GPHN: variants seen among roughly 807,000 people sequenced by gnomAD.
GPHN encodes the protein gephyrin.
A neutral mutation model predicts 95.5 loss-of-function variants in GPHN; 17 were observed. The ratio of observed to expected loss-of-function variants is 0.18; its 90% CI spans 0.12 to 0.27. GPHN has a LOEUF of 0.27. Among genes scored for constraint, GPHN ranks in the 10% least tolerant of loss-of-function variants. GPHN has a pLI of 1.00. For missense variants in GPHN, 660 were observed against 978.1 expected (o/e 0.67, Z 4.34); for synonymous variants, 320 against 322.5 (o/e 0.99, Z 0.08).
the GPHN span, chr14:67,221,717 T>G: frequency 6.3e-7 from 1 of 1,594,830 alleles, no homozygotes; most frequent in East Asian, 2.2e-5. Context: ...ATCTAGTAGA[T>G]CTTTTCTAAA....
At chr14:66,905,826 TA>T (rs1387224834) in intron 5 of GPHN, among the ~76,000 whole-genome samples, 3 of 152,104 alleles carry the variant, frequency 2.0e-5, no homozygotes, top group Non-Finnish European at 1.5e-5. Context: ...GAACATTCAG[TA>T]TGTGGTTTTC....
At chr14:67,395,876 C>T in the GPHN span, among the ~76,000 whole-genome samples, 1 of 152,258 alleles carries the variant, frequency 6.6e-6, no homozygotes, top group East Asian at 1.9e-4. Flanking sequence ...TGAAGACTCA[C>T]CTCCTATGAC....
chr14:66,630,169 T>C (rs897874829), intron 1 of GPHN, among the ~76,000 whole-genome samples: 1 of 152,136 alleles, frequency 6.6e-6, no homozygotes, highest in African/African-American at 2.4e-5. Context: ...AGGGATAAGA[T>C]AAGAGATGCT....
chr14:67,648,393 A>G, the GPHN span: 5 of 444,594 alleles, frequency 1.1e-5, no homozygotes, highest in Non-Finnish European at 1.9e-5. Flanking sequence ...AAATTACACT[A>G]AGGTAATAAT....
chr14:66,604,920 C>T (rs908831389), intron 1 of GPHN, among the ~76,000 whole-genome samples: 7 of 137,202 alleles, frequency 5.1e-5, no homozygotes, highest in African/African-American at 1.1e-4. Flanking sequence ...ATATGTATTC[C>T]GTTATTTAGG....
chr14:67,162,676 A>G (rs2153720900), intron 19 of GPHN, among the ~76,000 whole-genome samples: 1 of 152,342 alleles, frequency 6.6e-6, no homozygotes, highest in South Asian at 2.1e-4. Context: ...CTATCCATAA[A>G]TCAGTATCAA....
At chr14:67,331,916 A>ATG in the GPHN span, among the ~76,000 whole-genome samples, 23,575 of 152,090 alleles carry the variant, frequency 0.16, 3,446 homozygotes, top group East Asian at 0.42. Flanking sequence ...CCATATTCAG[A>ATG]TGTACAACAT....
At chr14:67,695,719 C>A in the GPHN span, 1 of 1,613,428 alleles carries the variant, frequency 6.2e-7, no homozygotes, top group Non-Finnish European at 8.5e-7. Context: ...CCGGCTGCAG[C>A]GGCACCAGAG....
chr14:66,709,177 A>G (rs924336711), intron 2 of GPHN, among the ~76,000 whole-genome samples: 3 of 152,194 alleles, frequency 2.0e-5, no homozygotes, highest in African/African-American at 7.2e-5. Context: ...TTATTTGAAC[A>G]GTGTTCCTAC....
the GPHN span, chr14:67,472,274 A>G: frequency 1.3e-5 from 2 of 152,320 alleles, no homozygotes; most frequent in Non-Finnish European, 2.9e-5. Flanking sequence ...CTCATTCTCC[A>G]TCAGTCTCCA....
chr14:67,208,368 C>T, the GPHN span: 3 of 1,613,994 alleles, frequency 1.9e-6, no homozygotes, highest in Admixed American at 1.7e-5. Context: ...GAGGCAAATA[C>T]ATCCAAGGAG....
intron 1 of GPHN, among the ~76,000 whole-genome samples, chr14:66,522,102 T>C (rs2058507722): frequency 6.6e-6 from 1 of 152,136 alleles, no homozygotes; most frequent in African/African-American, 2.4e-5. Flanking sequence ...CCTAGGCCCC[T>C]GTGATGTGAA....
At chr14:66,536,216 G>A (rs949809373) in intron 1 of GPHN, among the ~76,000 whole-genome samples, 1 of 152,148 alleles carries the variant, frequency 6.6e-6, no homozygotes. Context: ...CTCCCAAAGT[G>A]CTGGGATTAC....
At chr14:67,674,632 C>T in the GPHN span, 2 of 580,896 alleles carry the variant, frequency 3.4e-6, no homozygotes, top group Admixed American at 3.8e-5. Flanking sequence ...TCCGGAGCCG[C>T]GGCAGGGTCC....
At chr14:67,573,446 T>C in the GPHN span, 6 of 1,085,218 alleles carry the variant, frequency 5.5e-6, no homozygotes, top group Non-Finnish European at 8.5e-6. This position sits in a 1 kb window ranked among gnomAD's most constrained non-coding sequence, Gnocchi z 4.8. Context: ...CCCTGGACTA[T>C]GTCAGATGGG....
At chr14:67,678,168 C>T in the GPHN span, 1 of 583,352 alleles carries the variant, frequency 1.7e-6, no homozygotes, top group Admixed American at 3.0e-5. Flanking sequence ...TCTGGCAGTA[C>T]ACTGAGTTTT....
intron 3 of GPHN, among the ~76,000 whole-genome samples, chr14:66,819,953 A>G (rs1225405990): frequency 6.6e-6 from 1 of 152,172 alleles, no homozygotes; most frequent in Non-Finnish European, 1.5e-5. Context: ...TAAGCAGAAG[A>G]AAAGGGAACT....
the GPHN span, chr14:67,728,277 T>G: frequency 2.6e-5 from 4 of 152,172 alleles, no homozygotes; most frequent in African/African-American, 9.7e-5. Flanking sequence ...CAATAATAAT[T>G]GAGAGGTTTA....
intron 1 of GPHN, among the ~76,000 whole-genome samples, chr14:66,530,978 C>T (rs1443569581): frequency 2.8e-5 from 3 of 108,810 alleles, no homozygotes; most frequent in African/African-American, 1.4e-4. Context: ...TTTTTTGATA[C>T]GGAGTCTCTC....
Sources: gnomAD v4.1 joint callset for allele counts (sites outside exome capture counted in the v4.1 genomes callset) on GRCh38, gnomAD v4.1.1 for gene constraint, Gnocchi (gnomAD v3.1) non-coding constraint, MANE v1.5 for transcripts, NCBI Gene and HGNC (gene_info 2026-07-23, HGNC 2026-07-21) for gene names.